EVI5: variants seen among roughly 807,000 people sequenced by gnomAD.
EVI5 encodes ecotropic viral integration site 5.
Under a neutral mutation model 112.0 loss-of-function variants are expected in EVI5, and 73 were observed. The observed-to-expected ratio is 0.65, with a 90% CI of 0.54 to 0.79. EVI5 has a LOEUF of 0.79. Ranked by LOEUF, EVI5 falls within the 30% of genes least tolerant of loss-of-function variation. The pLI is 0.00. For synonymous variants in EVI5, 305 were observed against 319.9 expected (o/e 0.95, Z 0.50); for missense variants, 900 against 968.8 (o/e 0.93, Z 0.94).
chr1:92,570,532 G>T (rs1162875176), intron 18 of EVI5, among the ~76,000 whole-genome samples: 1 of 152,154 alleles, frequency 6.6e-6, no homozygotes, highest in Non-Finnish European at 1.5e-5. Context: ...ACATCTCATA[G>T]CAATAATATG....
intron 19 of EVI5, among the ~76,000 whole-genome samples, chr1:92,540,953 A>C (rs1010516275): frequency 6.6e-6 from 1 of 152,186 alleles, no homozygotes; most frequent in African/African-American, 2.4e-5. Flanking sequence ...AGGCACCTGT[A>C]ATCCAAGCTA....
At chr1:92,761,392 T>C (rs1018249121) in intron 1 of EVI5, among the ~76,000 whole-genome samples, 1 of 152,180 alleles carries the variant, frequency 6.6e-6, no homozygotes, top group East Asian at 1.9e-4. Context: ...CCACAGTTCT[T>C]TTCTTATTTG....
At chr1:92,772,432 T>C (rs1280419670) in intron 1 of EVI5, among the ~76,000 whole-genome samples, 2 of 151,616 alleles carry the variant, frequency 1.3e-5, no homozygotes, top group Non-Finnish European at 2.9e-5. Context: ...CTGATTCTAC[T>C]AAAAATACCA....
rs61310991 is a variant in EVI5 at position 92,586,606 on chromosome 1, C to CTGTG, written c.2070+18697_2070+18700dup. ...AATGTAGGTTTTTTTTTTTTTTTGG[C>CTGTG]TGTGTGTGTGTGTGTGTGTGTGTGT... is the stretch of plus-strand genomic sequence containing the variant. On this transcript the variant is annotated intron_variant, in intron 18 of 19. Transcript: ENST00000684568. Among the ~76,000 whole-genome samples, 635 of 72,756 alleles carry CTGTG rather than the reference C, an allele frequency of 8.7e-3. 3 individuals are homozygous for CTGTG. The highest frequency in any genetic ancestry group is 0.035 in the South Asian group (73 of 2,098). 47.7% of individuals were successfully genotyped at this position (72,756 alleles called of 152,430 possible).
chr1:92,775,426 C>CAAAA (rs35191247), intron 1 of EVI5, among the ~76,000 whole-genome samples: 1 of 100,264 alleles, frequency 1.0e-5, no homozygotes, highest in African/African-American at 3.9e-5. Flanking sequence ...GACTGCATTT[C>CAAAA]AAAAAAAAAA....
chr1:92,743,653 T>C (rs1678795338), intron 1 of EVI5, among the ~76,000 whole-genome samples: 1 of 152,136 alleles, frequency 6.6e-6, no homozygotes, highest in East Asian at 1.9e-4. Context: ...TGGTTAAAAC[T>C]GTAAATTTTG....
At chr1:92,737,967 T>C (rs572637599) in intron 1 of EVI5, among the ~76,000 whole-genome samples, 172 of 152,258 alleles carry the variant, frequency 1.1e-3, no homozygotes, top group African/African-American at 4.0e-3. Flanking sequence ...GAAATGATAT[T>C]ATAGAAAGGA....
chr1:92,606,127 G>T (rs1650325362), intron 17 of EVI5, among the ~76,000 whole-genome samples: 1 of 152,136 alleles, frequency 6.6e-6, no homozygotes, highest in African/African-American at 2.4e-5. Flanking sequence ...CTTCACAGAG[G>T]TATTAATGAA....
At chr1:92,534,582 T>C (rs574934053) in intron 19 of EVI5, among the ~76,000 whole-genome samples, 273 of 152,084 alleles carry the variant, frequency 1.8e-3, no homozygotes, top group African/African-American at 6.2e-3. Context: ...CCAAAACAGA[T>C]ATATAGACCA....
At chr1:92,737,609 T>C (rs1019555905) in intron 1 of EVI5, among the ~76,000 whole-genome samples, 2 of 126,106 alleles carry the variant, frequency 1.6e-5, no homozygotes, top group Non-Finnish European at 3.4e-5. Flanking sequence ...CATATGAACA[T>C]ATGTACACAC....
intron 1 of EVI5, among the ~76,000 whole-genome samples, chr1:92,760,892 TAA>T (rs1281812902): frequency 2.0e-5 from 3 of 151,392 alleles, no homozygotes; most frequent in African/African-American, 7.3e-5. Context: ...CCATCTCTAC[TAA>T]AAAAATACAA....
At chr1:92,670,503 T>A (rs550400984) in intron 10 of EVI5, among the ~76,000 whole-genome samples, 1 of 152,320 alleles carries the variant, frequency 6.6e-6, no homozygotes, top group East Asian at 1.9e-4. Flanking sequence ...CTTCTCTCCC[T>A]TCGTAGTATA....
chr1:92,550,813 T>A (rs868230283), intron 19 of EVI5, among the ~76,000 whole-genome samples: 84 of 79,964 alleles, frequency 1.1e-3, no homozygotes, highest in Middle Eastern at 6.7e-3. Context: ...TATATATATA[T>A]AACAAAAAAA....
chr1:92,634,498 C>T (rs1253937698), intron 14 of EVI5, among the ~76,000 whole-genome samples: 1 of 152,116 alleles, frequency 6.6e-6, no homozygotes, highest in Non-Finnish European at 1.5e-5. Flanking sequence ...GCATTCGTCA[C>T]GTAGTTCTCG....
chr1:92,582,271 A>G (rs989545725), intron 18 of EVI5, among the ~76,000 whole-genome samples: 2 of 152,228 alleles, frequency 1.3e-5, no homozygotes, highest in African/African-American at 4.8e-5. Context: ...CCCAGATGAT[A>G]TATGTGGTCC....
At chr1:92,646,526 C>G (rs1490557910) in intron 13 of EVI5, among the ~76,000 whole-genome samples, 1 of 152,192 alleles carries the variant, frequency 6.6e-6, no homozygotes, top group African/African-American at 2.4e-5. Context: ...ACTAGCCTCA[C>G]AGTGCACGCT....
At chr1:92,519,547 T>C (rs1277765306) in intron 19 of EVI5, among the ~76,000 whole-genome samples, 5 of 152,158 alleles carry the variant, frequency 3.3e-5, no homozygotes, top group African/African-American at 1.2e-4. Flanking sequence ...ATACAACTGA[T>C]GCTATTTGGC....
chr1:92,516,415 A>T lies in EVI5; in HGVS notation c.2167-2445T>A, dbSNP rs566012213. Among the ~76,000 whole-genome samples the T allele has an allele frequency of 5.3e-5, 8 of 152,348 alleles. No individual in the cohort carries two copies. In the East Asian group the frequency reaches 1.5e-3, roughly 29 times the overall value. ...TGAAGGGTCATTTCCTCAACATCAA[A>T]GGAATCTCATTGAGAGCTGTTAATA... On this transcript the variant is annotated intron_variant, in intron 19 of 19. Coordinates refer to ENST00000684568, the MANE Select transcript of EVI5 (RefSeq NM_001350197.2).
intron 14 of EVI5, 83 bp downstream of exon 14, chr1:92,636,119 A>T: frequency 9.0e-7 from 1 of 1,110,814 alleles, no homozygotes; most frequent in Non-Finnish European, 1.3e-6. Context: ...ACACCAAGTC[A>T]ATTAAATTGC....
Sources: gnomAD v4.1 joint callset for allele counts (sites outside exome capture counted in the v4.1 genomes callset) on GRCh38, gnomAD v4.1.1 for gene constraint, MANE v1.5 for transcripts, NCBI Gene and HGNC (gene_info 2026-07-23, HGNC 2026-07-21) for gene names.